RALYL: variants seen among roughly 807,000 people sequenced by gnomAD.
RALYL encodes the protein RALY RNA binding protein like.
Under a neutral mutation model 35.1 loss-of-function variants are expected in RALYL, and 29 were observed. The ratio of observed to expected loss-of-function variants is 0.83; its 90% CI spans 0.61 to 1.13. RALYL has a LOEUF of 1.13. Ranked by LOEUF, RALYL falls within the 50% of genes most tolerant of loss-of-function variation. RALYL has a pLI of 0.00. For synonymous variants in RALYL, 120 were observed against 127.6 expected (o/e 0.94, Z 0.40); for missense variants, 359 against 360.4 (o/e 1.00, Z 0.03).
At chr8:84,841,238 G>A (rs201677488) in intron 4 of RALYL, among the ~76,000 whole-genome samples, 5 of 152,010 alleles carry the variant, frequency 3.3e-5, no homozygotes, top group Non-Finnish European at 7.4e-5. Flanking sequence ...ACATGCAGAG[G>A]CACACATAGG....
chr8:84,414,097 T>C (rs1310398116), intron 1 of RALYL, among the ~76,000 whole-genome samples: 1 of 152,130 alleles, frequency 6.6e-6, no homozygotes, highest in Non-Finnish European at 1.5e-5. Flanking sequence ...AAAAATGGTC[T>C]GAAAAAATTC....
At chr8:84,292,732 A>G (rs763342018) in intron 1 of RALYL, among the ~76,000 whole-genome samples, 43 of 152,304 alleles carry the variant, frequency 2.8e-4, no homozygotes, top group Middle Eastern at 3.4e-3. Flanking sequence ...GTTACTTTAT[A>G]TGGTCTAAAA....
intron 1 of RALYL, among the ~76,000 whole-genome samples, chr8:84,347,372 C>T (rs988145497): frequency 1.3e-5 from 2 of 152,004 alleles, no homozygotes; most frequent in African/African-American, 4.8e-5. Context: ...TCCTCAGCCA[C>T]CCTATCCGTA....
intron 1 of RALYL, among the ~76,000 whole-genome samples, chr8:84,296,184 C>T (rs1839706682): frequency 6.6e-6 from 1 of 152,080 alleles, no homozygotes; most frequent in East Asian, 1.9e-4. Context: ...GAGAAACATG[C>T]ACTCTATATT....
At chr8:84,686,816 G>A (rs926320793) in intron 2 of RALYL, among the ~76,000 whole-genome samples, 9 of 152,006 alleles carry the variant, frequency 5.9e-5, no homozygotes, top group South Asian at 2.1e-4. Flanking sequence ...TCCCCCCAAT[G>A]ACGGGAAAAA....
intron 1 of RALYL, among the ~76,000 whole-genome samples, chr8:84,438,787 A>G (rs1318627783): frequency 6.6e-6 from 1 of 152,172 alleles, no homozygotes; most frequent in Non-Finnish European, 1.5e-5. Context: ...GTTCAGTCTC[A>G]TTCTTCTGCA....
Position 84,921,042 on chromosome 8 carries a change from T to C in RALYL, c.*131T>C. ...TATATAAAAACCCAAATAAATAAAA[T>C]GGACAGTATTGCTCAGTTTTAGAAA... On this transcript the variant is annotated 3_prime_UTR_variant, in exon 9 of 9. Coordinates refer to ENST00000521268, the MANE Select transcript of RALYL (RefSeq NM_173848.7). 2.0e-6 allele frequency: 1 copy of C among 498,194 alleles called. No individual in the cohort carries two copies. The highest frequency in any genetic ancestry group is 3.6e-6 in the Non-Finnish European group (1 of 281,334). 30.9% of individuals were successfully genotyped at this position (498,194 alleles called of 1,614,324 possible). A position where few individuals can be genotyped will look rare whatever the true frequency, so the allele number is the denominator to read the frequency against.
chr8:84,451,875 A>G lies in RALYL; in HGVS notation c.-23-77424A>G, dbSNP rs565936761. Among the ~76,000 whole-genome samples, 22 of 152,034 alleles carry G rather than the reference A, an allele frequency of 1.4e-4. 2 individuals carry two copies. The South Asian group carries it at 4.1e-3, about 29-fold the overall frequency. On this transcript the variant is annotated intron_variant, in intron 1 of 8. Transcript: ENST00000521268. ...TCTACTTGGTGCTTTGTTTTTCTCTATAACTCAATTACAAAATGCTCATGG... is the reference window on the plus strand; with the variant it reads ...TCTACTTGGTGCTTTGTTTTTCTCTGTAACTCAATTACAAAATGCTCATGG...
intron 2 of RALYL, among the ~76,000 whole-genome samples, chr8:84,671,841 T>C (rs781458829): frequency 3.9e-5 from 6 of 152,194 alleles, no homozygotes; most frequent in Non-Finnish European, 7.3e-5. Context: ...ATTTTCCCCA[T>C]TGTCTTGGCA....
At chr8:84,336,775 A>G (rs1217394762) in intron 1 of RALYL, among the ~76,000 whole-genome samples, 1 of 151,912 alleles carries the variant, frequency 6.6e-6, no homozygotes. Context: ...ACTGCAGCTG[A>G]CCCTGAAAAC....
chr8:84,892,742 A>G (rs1048532365), intron 8 of RALYL, among the ~76,000 whole-genome samples: 3 of 152,142 alleles, frequency 2.0e-5, no homozygotes, highest in Non-Finnish European at 2.9e-5. Context: ...CTCATGCACA[A>G]AAACAGAAAA....
intron 1 of RALYL, among the ~76,000 whole-genome samples, chr8:84,321,130 A>G (rs1223727623): frequency 6.6e-6 from 1 of 152,170 alleles, no homozygotes; most frequent in Non-Finnish European, 1.5e-5. Context: ...TGAATAGAAG[A>G]AAAGCAGTTT....
At chr8:84,811,135 T>C (rs1232001963) in intron 4 of RALYL, among the ~76,000 whole-genome samples, 1 of 152,192 alleles carries the variant, frequency 6.6e-6, no homozygotes, top group Non-Finnish European at 1.5e-5. Context: ...TTAAAGAGGT[T>C]CTGTTTTGAT....
At chr8:84,418,355 G>A (rs765971916) in intron 1 of RALYL, among the ~76,000 whole-genome samples, 3 of 151,984 alleles carry the variant, frequency 2.0e-5, no homozygotes, top group Non-Finnish European at 4.4e-5. Context: ...TAATTCATAC[G>A]AATACCCTGG....
At chr8:84,679,620 GA>G in intron 2 of RALYL, 1 of 472,576 alleles carries the variant, frequency 2.1e-6, no homozygotes, top group Non-Finnish European at 4.3e-6. Context: ...GATGCTATTG[GA>G]AGAGCTCAGT....
At chr8:84,627,416 C>T (rs1003353165) in intron 2 of RALYL, among the ~76,000 whole-genome samples, 3 of 146,840 alleles carry the variant, frequency 2.0e-5, no homozygotes, top group African/African-American at 7.6e-5. Context: ...TTACAGTCAT[C>T]TAGTGTGCCT....
chr8:84,440,681 A>G (rs1008460302), intron 1 of RALYL, among the ~76,000 whole-genome samples: 5 of 151,996 alleles, frequency 3.3e-5, no homozygotes, highest in Non-Finnish European at 7.4e-5. Context: ...CTTGTTCCAC[A>G]TATTAATATT....
upstream of RALYL, chr8:84,182,807 A>G (rs1410242550): frequency 1.3e-5 from 2 of 152,644 alleles, no homozygotes; most frequent in Non-Finnish European, 2.9e-5. Context: ...AGGAGGGAAC[A>G]GCAGAGGCAA....
chr8:84,648,560 C>G (rs1298207515), intron 2 of RALYL, among the ~76,000 whole-genome samples: 1 of 151,908 alleles, frequency 6.6e-6, no homozygotes, highest in Non-Finnish European at 1.5e-5. Context: ...CACGGGTGAA[C>G]TATTAACATA....
Sources: allele counts gnomAD v4.1 joint callset (sites outside exome capture counted in the v4.1 genomes callset), GRCh38; gene constraint gnomAD v4.1.1; transcripts MANE v1.5; gene names NCBI Gene and HGNC (gene_info 2026-07-23, HGNC 2026-07-21).